NRXN1: variants seen among roughly 807,000 people sequenced by gnomAD.
NRXN1 encodes the protein neurexin 1, also known as neurexin-1.
In NRXN1, 39 loss-of-function variants were observed where a neutral mutation model predicts 150.9. The ratio of observed to expected loss-of-function variants is 0.26; its 90% CI spans 0.20 to 0.34. The LOEUF (loss-of-function observed/expected upper bound fraction) is 0.34. Ranked by LOEUF, NRXN1 falls within the 10% of genes least tolerant of loss-of-function variation. NRXN1 has a pLI of 1.00. For missense variants in NRXN1, 1,815 were observed against 1,949.9 expected, an observed-to-expected ratio of 0.93 and a Z score of 1.30; for synonymous variants, 924 against 757.0, an observed-to-expected ratio of 1.22 and a Z score of -3.62.
At chr2:50,164,422 T>A (rs2059551362) in intron 18 of NRXN1, among the ~76,000 whole-genome samples, 1 of 152,112 alleles carries the variant, frequency 6.6e-6, no homozygotes. Context: ...CCATAAGAAA[T>A]ATGGGAGGTC....
intron 12 of NRXN1, among the ~76,000 whole-genome samples, chr2:50,508,956 G>A (rs141023003): frequency 5.3e-4 from 80 of 152,300 alleles, no homozygotes; most frequent in African/African-American, 1.9e-3. Flanking sequence ...TAGACTGGGA[G>A]TTAAGAATTG....
At chr2:50,122,106 T>A (rs1453029752) in intron 18 of NRXN1, among the ~76,000 whole-genome samples, 1 of 152,220 alleles carries the variant, frequency 6.6e-6, no homozygotes, top group Non-Finnish European at 1.5e-5. Context: ...GCAGACAAGC[T>A]GCAGTACAGC....
intron 8 of NRXN1, among the ~76,000 whole-genome samples, chr2:50,594,942 G>A (rs1415241252): frequency 4.6e-5 from 7 of 151,402 alleles, no homozygotes; most frequent in Admixed American, 6.6e-5. Context: ...TTTTGTCCAC[G>A]GTACCCTCTG....
intron 2 of NRXN1, among the ~76,000 whole-genome samples, chr2:50,931,709 C>A (rs1687770764): frequency 6.6e-6 from 1 of 151,938 alleles, no homozygotes; most frequent in Non-Finnish European, 1.5e-5. Context: ...GTTAAAAATT[C>A]ACTGTATTTA....
At position 50,566,849 on chromosome 2, in the gene NRXN1, A is replaced by T. The variant is rs1318169568; in HGVS notation, c.1321-13824T>A. On this transcript the variant is annotated intron_variant, in intron 8 of 22. Coordinates refer to ENST00000401669, the MANE Select transcript of NRXN1 (RefSeq NM_001330078.2). ...ATAGTAGCTGAGTTCCTATTTACTT[A>T]TTCAGCCCTGGTTCTGGGCACACTT... Among the ~76,000 whole-genome samples the T allele has an allele frequency of 2.6e-5, 4 of 152,192 alleles. No individual in the cohort carries two copies. In the East Asian group the frequency reaches 7.8e-4, roughly 29 times the overall value.
At chr2:50,292,846 A>T (rs2073099240) in intron 17 of NRXN1, among the ~76,000 whole-genome samples, 1 of 152,300 alleles carries the variant, frequency 6.6e-6, no homozygotes, top group East Asian at 1.9e-4. Context: ...GATTCATTAT[A>T]CTTGAGCTTG....
chr2:50,559,701 G>A (rs1328224550), intron 8 of NRXN1, among the ~76,000 whole-genome samples: 1 of 151,908 alleles, frequency 6.6e-6, no homozygotes, highest in Non-Finnish European at 1.5e-5. Flanking sequence ...ATATAAATAT[G>A]CACTTATGTT....
intron 21 of NRXN1, among the ~76,000 whole-genome samples, chr2:50,029,631 G>C (rs147189481): frequency 9.2e-5 from 14 of 152,066 alleles, no homozygotes; most frequent in Non-Finnish European, 2.1e-4. Context: ...AAGAGGTCTC[G>C]AAATGAAACC....
At chr2:50,849,674 C>T (rs566665497) in intron 5 of NRXN1, among the ~76,000 whole-genome samples, 1 of 152,252 alleles carries the variant, frequency 6.6e-6, no homozygotes, top group South Asian at 2.1e-4. Flanking sequence ...TCTTCCTTAC[C>T]CGCTTGTCCA....
At chr2:49,991,648 T>G (rs1273210079) in intron 21 of NRXN1, among the ~76,000 whole-genome samples, 1 of 152,194 alleles carries the variant, frequency 6.6e-6, no homozygotes, top group Admixed American at 6.5e-5. Flanking sequence ...ATTATTATTG[T>G]CAAAATGTCA....
chr2:50,469,848 G>A (rs1038539316), intron 16 of NRXN1, among the ~76,000 whole-genome samples: 1 of 150,800 alleles, frequency 6.6e-6, no homozygotes, highest in Non-Finnish European at 1.5e-5. Context: ...AAGTGACTGG[G>A]TTCAAATGTT....
rs1326516044 is a variant in NRXN1, at chr2:50,024,412, G to T, written c.4128+28859C>A. On this transcript the variant is annotated intron_variant, in intron 21 of 22. Transcript: ENST00000401669. ...TAAAAAGGTTTCCCCTTGGTCTTAT[G>T]CCCTACTTTTCCTACCTTTATATTT... Among the ~76,000 whole-genome samples, 8 of 152,054 alleles carry T rather than the reference G, an allele frequency of 5.3e-5. No homozygotes were observed. The East Asian group carries it at 1.5e-3, about 29-fold the overall frequency.
intron 21 of NRXN1, among the ~76,000 whole-genome samples, chr2:49,981,420 T>A (rs72887815): frequency 0.5 from 75,519 of 151,632 alleles, 19,230 homozygotes; most frequent in Middle Eastern, 0.64. Context: ...GGAAAAGAAC[T>A]AAAGGAAAAA....
At chr2:51,025,805 G>T (rs949164227) in intron 2 of NRXN1, among the ~76,000 whole-genome samples, 14 of 152,088 alleles carry the variant, frequency 9.2e-5, no homozygotes, top group African/African-American at 2.9e-4. Context: ...TAACTGTAAA[G>T]CCTGCTCTCA....
chr2:50,960,519 A>G lies in NRXN1; in HGVS notation c.773-34564T>C, dbSNP rs142667927. Among the ~76,000 whole-genome samples, 1,518 of 152,074 alleles carry G rather than the reference A, an allele frequency of 1.0e-2. 8 individuals are homozygous for G. Among genetic ancestry groups the G allele is most frequent in the Middle Eastern group, 0.075 (22 of 294 alleles). On this transcript the variant is annotated intron_variant, in intron 2 of 22. Coordinates refer to ENST00000401669, the MANE Select transcript of NRXN1 (RefSeq NM_001330078.2). ...AAAATAAGCACTGTGGTAAACCCCA[A>G]GCTGGTGAAGTTGGTGCACAACAAG... is the stretch of plus-strand genomic sequence containing the variant.
At chr2:50,055,157 A>T in intron 19 of NRXN1, 113 bp from the exon 20 acceptor site, 1 of 679,500 alleles carries the variant, frequency 1.5e-6, no homozygotes, top group Non-Finnish European at 2.4e-6. Context: ...GAAATTTGGA[A>T]TTTTAAAAAG....
intron 8 of NRXN1, among the ~76,000 whole-genome samples, chr2:50,594,365 T>G (rs1674805143): frequency 6.6e-6 from 1 of 152,124 alleles, no homozygotes; most frequent in Non-Finnish European, 1.5e-5. Flanking sequence ...GAAACCTAAT[T>G]CATATGTTTC....
At chr2:50,441,186 C>T (rs1196334329) in intron 17 of NRXN1, among the ~76,000 whole-genome samples, 1 of 152,088 alleles carries the variant, frequency 6.6e-6, no homozygotes, top group Non-Finnish European at 1.5e-5. Flanking sequence ...AAATGTTAAT[C>T]CCCGTGATTC....
intron 2 of NRXN1, among the ~76,000 whole-genome samples, chr2:51,016,494 T>A (rs1668682404): frequency 6.6e-6 from 1 of 152,066 alleles, no homozygotes. Context: ...CCAACAAATA[T>A]GTGAAAAATA....
Sources: allele counts gnomAD v4.1 joint callset (sites outside exome capture counted in the v4.1 genomes callset), GRCh38; gene constraint gnomAD v4.1.1; transcripts MANE v1.5; gene names NCBI Gene and HGNC (gene_info 2026-07-23, HGNC 2026-07-21).